The following HP1BP3 variants were observed in gnomAD, a reference collection of about 807,000 sequenced individuals.
HP1BP3 encodes heterochromatin protein 1-binding protein 3.
A neutral mutation model predicts 62.5 loss-of-function variants in HP1BP3; 12 were observed. That is an observed-to-expected ratio of 0.19 (90% CI 0.12 to 0.31). HP1BP3 has a LOEUF of 0.31. Ranked by LOEUF, HP1BP3 falls within the 10% of genes least tolerant of loss-of-function variation. HP1BP3 has a pLI of 1.00. For synonymous variants in HP1BP3, 260 were observed against 237.8 expected, an observed-to-expected ratio of 1.09 and a Z score of -0.86; for missense variants, 502 against 651.8, an observed-to-expected ratio of 0.77 and a Z score of 2.50.
In HP1BP3 at chr1:20,780,511, C is replaced by T; in HGVS notation, c.-71G>A. 2 of 1,102,864 alleles carry T rather than the reference C, an allele frequency of 1.8e-6. No homozygotes were observed. Among genetic ancestry groups the T allele is most frequent in the South Asian group, 2.5e-5 (2 of 78,448 alleles). 68.3% of individuals were successfully genotyped at this position (1,102,864 alleles called of 1,614,324 possible). ...CTGCTGTTAACCACAAGGATTTTTC[C>T]TAATGGTTTCAGTGTGGTGAAGAAT... is the stretch of plus-strand genomic sequence containing the variant. On this transcript the variant is annotated 5_prime_UTR_variant, in exon 2 of 13. Transcript: ENST00000438032.
At chr1:20,773,363 T>G in intron 5 of HP1BP3, 88 bp downstream of exon 5, 1 of 1,067,672 alleles carries the variant, frequency 9.4e-7, no homozygotes, top group East Asian at 2.8e-5. Flanking sequence ...ACAAGATTTA[T>G]GATGTCTAGA....
intron 1 of HP1BP3, among the ~76,000 whole-genome samples, chr1:20,782,384 G>A (rs1484622823): frequency 6.6e-6 from 1 of 151,524 alleles, no homozygotes; most frequent in East Asian, 1.9e-4. Context: ...AGGAGTTCAA[G>A]ACCAGCCTGG....
chr1:20,786,531 G>A (rs1446857655), intron 1 of HP1BP3: 1 of 152,382 alleles, frequency 6.6e-6, no homozygotes, highest in Non-Finnish European at 1.5e-5. Context: ...ACCGACGGAT[G>A]AGGCTGGGGC....
At chr1:20,757,074 G>A (rs969923675) in intron 9 of HP1BP3, 92 bp downstream of exon 9, 2 of 685,868 alleles carry the variant, frequency 2.9e-6, no homozygotes, top group African/African-American at 3.6e-5. Flanking sequence ...AAAGTTCTTT[G>A]AGGTCCTCAA....
intron 9 of HP1BP3, 164 bp from the exon 10 acceptor site, chr1:20,750,046 TTCAA>T (rs1434401389): frequency 7.3e-7 from 1 of 1,371,502 alleles, no homozygotes. Context: ...TCAACAGGTA[TTCAA>T]TCTAACTGAG....
At chr1:20,756,396 C>A (rs1037029267) in intron 9 of HP1BP3, among the ~76,000 whole-genome samples, 3 of 151,814 alleles carry the variant, frequency 2.0e-5, no homozygotes, top group African/African-American at 7.3e-5. Context: ...TGCCTGACGA[C>A]TTCTCATTAA....
At chr1:20,749,417 G>A (rs1217643107) in intron 10 of HP1BP3, among the ~76,000 whole-genome samples, 1 of 148,128 alleles carries the variant, frequency 6.8e-6, no homozygotes, top group African/African-American at 2.5e-5. Flanking sequence ...GGAGTACAAT[G>A]GTGCAATCTC....
intron 3 of HP1BP3, among the ~76,000 whole-genome samples, chr1:20,778,064 T>C (rs1209933104): frequency 2.0e-5 from 3 of 152,268 alleles, no homozygotes; most frequent in Non-Finnish European, 4.4e-5. Context: ...AAGAATTTAC[T>C]ATTAGTTAGT....
chr1:20,751,336 C>T (rs78495159), intron 9 of HP1BP3, among the ~76,000 whole-genome samples: 5,359 of 151,580 alleles, frequency 0.035, 302 homozygotes, highest in African/African-American at 0.12. Flanking sequence ...GCACCTTTAA[C>T]CCCTATGTTG....
At chr1:20,752,176 C>T (rs929104725) in intron 9 of HP1BP3, among the ~76,000 whole-genome samples, 2 of 151,874 alleles carry the variant, frequency 1.3e-5, no homozygotes, top group African/African-American at 2.4e-5. Context: ...GCAGGAGAAT[C>T]GCTTGAACCC....
intron 1 of HP1BP3, among the ~76,000 whole-genome samples, chr1:20,784,156 A>C (rs534301485): frequency 7.9e-5 from 12 of 152,014 alleles, no homozygotes; most frequent in African/African-American, 2.9e-4. Context: ...TTTTTGTATC[A>C]ACAGGGTTTT....
At chr1:20,776,009 CAAAAAA>C (rs67814500) in intron 4 of HP1BP3, 177 of 1,221,132 alleles carry the variant, frequency 1.4e-4, no homozygotes, top group South Asian at 2.6e-4. Context: ...AGCTCTCCTG[CAAAAAA>C]AAAAAAAAAA....
chr1:20,757,097 G>A (rs2056160075), intron 9 of HP1BP3, 69 bp downstream of exon 9: 4 of 901,136 alleles, frequency 4.4e-6, no homozygotes, highest in Non-Finnish European at 5.4e-6. Flanking sequence ...AATTTTTACA[G>A]TATAAGGAGG....
At chr1:20,782,710 G>A (rs1209733369) in intron 1 of HP1BP3, among the ~76,000 whole-genome samples, 4 of 151,886 alleles carry the variant, frequency 2.6e-5, no homozygotes, top group Non-Finnish European at 5.9e-5. Context: ...GACCAGCCTG[G>A]CCAGTATGGT....
chr1:20,770,732 A>G (rs1477192173), intron 6 of HP1BP3, among the ~76,000 whole-genome samples, 198 bp downstream of exon 6: 2 of 152,190 alleles, frequency 1.3e-5, no homozygotes, highest in East Asian at 3.8e-4. Context: ...GTAAGCTAGA[A>G]AAAAGTTACA....
intron 8 of HP1BP3, among the ~76,000 whole-genome samples, chr1:20,764,359 T>C (rs2056650031): frequency 6.6e-6 from 1 of 151,914 alleles, no homozygotes; most frequent in Admixed American, 6.6e-5. Flanking sequence ...GGTTTTTTTT[T>C]TGAGACGGAG....
intron 9 of HP1BP3, among the ~76,000 whole-genome samples, chr1:20,754,996 T>C (rs1278747567): frequency 2.6e-5 from 4 of 152,198 alleles, no homozygotes; most frequent in South Asian, 2.1e-4. Context: ...CAAAAGATAC[T>C]ACTGAGAAAG....
chr1:20,784,264 C>G (rs1191135525), intron 1 of HP1BP3, among the ~76,000 whole-genome samples: 1 of 152,146 alleles, frequency 6.6e-6, no homozygotes, highest in African/African-American at 2.4e-5. Flanking sequence ...GCCACTGCAT[C>G]TGACCCAGTG....
chr1:20,766,367 G>A (rs2056783767), intron 7 of HP1BP3, among the ~76,000 whole-genome samples: 1 of 151,066 alleles, frequency 6.6e-6, no homozygotes, highest in South Asian at 2.1e-4. Context: ...ATGAAGTACA[G>A]CACCAGAAAA....
Sources: gnomAD v4.1 joint callset for allele counts (sites outside exome capture counted in the v4.1 genomes callset) on GRCh38, gnomAD v4.1.1 for gene constraint, MANE v1.5 for transcripts, NCBI Gene and HGNC (gene_info 2026-07-23, HGNC 2026-07-21) for gene names.